The following HTRA3 variants were observed in gnomAD, a reference collection of about 807,000 sequenced individuals.
HTRA3 encodes the protein HtrA serine peptidase 3, also known as serine protease HTRA3.
A neutral mutation model predicts 43.2 loss-of-function variants in HTRA3; 41 were observed. The observed-to-expected ratio is 0.95, with a 90% CI of 0.74 to 1.23. HTRA3 has a LOEUF of 1.23. Among genes scored for constraint, HTRA3 ranks in the 50% most tolerant of loss-of-function variants. The pLI, the probability that HTRA3 is intolerant of heterozygous loss-of-function variation, is 0.00. For synonymous variants in HTRA3, 295 were observed against 287.9 expected, an observed-to-expected ratio of 1.02 and a Z score of -0.25; for missense variants, 628 against 647.1, an observed-to-expected ratio of 0.97 and a Z score of 0.32.
chr4:8,271,946 C>T (rs369106434), intron 1 of HTRA3, among the ~76,000 whole-genome samples: 11 of 152,280 alleles, frequency 7.2e-5, no homozygotes, highest in South Asian at 2.1e-4. Flanking sequence ...CTGAGGGGTG[C>T]GAGTGTGGGG....
chr4:8,305,079 A>C (rs1293414375), intron 8 of HTRA3, among the ~76,000 whole-genome samples: 1 of 152,028 alleles, frequency 6.6e-6, no homozygotes, highest in African/African-American at 2.4e-5. Context: ...TGGCTGACCC[A>C]CTCCCAAGAA....
Position 8,295,609 on chromosome 4 carries a change from T to C in HTRA3, c.1051+1408T>C. ...CTAGTGAGCTTCTCCCTCCTGCCAT[T>C]GTGTCTCCTGTGCCCACCTCCTGGC... On this transcript the variant is annotated intron_variant, in intron 6 of 8. Transcript: ENST00000307358. The surrounding 1 kb of genome is among the most constrained non-coding windows in gnomAD (Gnocchi z 6.9). The C allele has an allele frequency of 1.0e-6, 1 of 1,000,132 alleles. No individual in the cohort carries two copies. Among genetic ancestry groups the C allele is most frequent in the South Asian group, 2.9e-5 (1 of 34,828 alleles). The allele number at this position is 1,000,132 out of a possible 1,614,324, so 62.0% of individuals were successfully genotyped here.
intron 2 of HTRA3, among the ~76,000 whole-genome samples, chr4:8,285,779 G>A (rs1266675064): frequency 1.3e-5 from 2 of 152,252 alleles, no homozygotes; most frequent in Non-Finnish European, 2.9e-5. Context: ...AGAGGGCAGG[G>A]CCCAGGCTGG....
chr4:8,297,221 G>C lies in HTRA3; in HGVS notation c.1051+3020G>C, dbSNP rs939436930. ...GGCCAGGAGCAGGACGGGCAGGGAG[G>C]CTGGTGGCCCCATACTTGGTGTGTG... On this transcript the variant is annotated intron_variant, in intron 6 of 8. Transcript: ENST00000307358. The surrounding 1 kb of genome is among the most constrained non-coding windows in gnomAD (Gnocchi z 5.8). Among the ~76,000 whole-genome samples the C allele has an allele frequency of 4.6e-5, 7 of 151,990 alleles. No homozygotes were observed. The highest frequency in any genetic ancestry group is 8.8e-5 in the Non-Finnish European group (6 of 68,010).
intron 1 of HTRA3, among the ~76,000 whole-genome samples, chr4:8,272,818 T>G (rs1226663344): frequency 1.3e-5 from 2 of 151,916 alleles, no homozygotes; most frequent in Non-Finnish European, 2.9e-5. Flanking sequence ...GGTGGGGAAA[T>G]GGGGCCTGGT....
intron 1 of HTRA3, among the ~76,000 whole-genome samples, chr4:8,278,406 A>AT (rs1374410474): frequency 1.4e-5 from 2 of 144,626 alleles, no homozygotes; most frequent in East Asian, 2.0e-4. Context: ...AAAAAAAAAA[A>AT]GGCTAACGGC....
In HTRA3 at chr4:8,270,150, C is replaced by T. The variant is rs1052955394; in HGVS notation, c.182C>T (p.Pro61Leu). 6.5e-6 allele frequency: 10 copies of T among 1,543,022 alleles called. No individual in the cohort carries two copies. In the African/African-American group the frequency reaches 1.1e-4, roughly 18 times the overall value. The change falls in exon 1 of 9, where the codon CCC becomes CTC. Residue 61 changes from proline (P) to leucine (L), a missense_variant. Coordinates refer to ENST00000307358, the MANE Select transcript of HTRA3 (RefSeq NM_053044.5). Reference sequence around the variant, plus strand: ...GTGTGCGCCGCCAGCGAGGGCGAGCCCTGTGGCGGCCCTCTGGACTCGCCT... The same window carrying T: ...GTGTGCGCCGCCAGCGAGGGCGAGCTCTGTGGCGGCCCTCTGGACTCGCCT... Reference protein sequence around the residue: ...CLVCAASEGEPCGGPLDSPCG... With the variant: ...CLVCAASEGELCGGPLDSPCG...
At chr4:8,298,060 C>T (rs1713516696) in intron 6 of HTRA3, among the ~76,000 whole-genome samples, 1 of 152,232 alleles carries the variant, frequency 6.6e-6, no homozygotes, top group Non-Finnish European at 1.5e-5. Flanking sequence ...CCTCCACCTC[C>T]ACCTCCGGGT....
rs1180800496 is a variant in HTRA3, at chr4:8,295,868, G to T, written c.1051+1667G>T. On this transcript the variant is annotated intron_variant, in intron 6 of 8. Transcript: ENST00000307358. The surrounding 1 kb of genome is among the most constrained non-coding windows in gnomAD (Gnocchi z 6.9). Reference sequence around the variant, plus strand: ...GCCATTGTTCTTCTGTGTCCATTATGGGAAGACAATCTGGAGCCAGGCAGA... The same window carrying T: ...GCCATTGTTCTTCTGTGTCCATTATTGGAAGACAATCTGGAGCCAGGCAGA... 8.1e-7 allele frequency: 1 copy of T among 1,235,186 alleles called. No individual in the cohort carries two copies. Among genetic ancestry groups the T allele is most frequent in the East Asian group, 3.2e-5 (1 of 31,690 alleles). 76.5% of individuals were successfully genotyped at this position (1,235,186 alleles called of 1,614,324 possible).
chr4:8,273,311 C>T (rs1209868731), intron 1 of HTRA3, among the ~76,000 whole-genome samples: 1 of 152,196 alleles, frequency 6.6e-6, no homozygotes, highest in Non-Finnish European at 1.5e-5. Flanking sequence ...TTCTGCCCTC[C>T]CGAGGTCCCA....
chr4:8,294,623 T>A (rs77437893), intron 6 of HTRA3, among the ~76,000 whole-genome samples: 1 of 27,646 alleles, frequency 3.6e-5, no homozygotes, highest in Non-Finnish European at 6.7e-5. Context: ...CATCCATCCA[T>A]CCATCCATCC....
In HTRA3 at chr4:8,296,039, C is replaced by T; in HGVS notation, c.1051+1838C>T. ...AGACCTGTCCTAGCATGCTCCTTTC[C>T]CTAATGACCGAGTCTTTCCTGTTGA... On this transcript the variant is annotated intron_variant, in intron 6 of 8. Transcript: ENST00000307358. This position sits in a 1 kb window ranked among gnomAD's most constrained non-coding sequence, Gnocchi z 5.3. 2 of 1,140,788 alleles carry T rather than the reference C, an allele frequency of 1.8e-6. No homozygotes were observed. Among genetic ancestry groups the T allele is most frequent in the Non-Finnish European group, 2.2e-6 (2 of 930,080 alleles). The allele number at this position is 1,140,788 out of a possible 1,614,324, so 70.7% of individuals were successfully genotyped here.
Position 8,297,886 on chromosome 4 carries a change from C to A in HTRA3, c.1051+3685C>A, listed in dbSNP as rs1333045742. On this transcript the variant is annotated intron_variant, in intron 6 of 8. Transcript: ENST00000307358. The surrounding 1 kb of genome is among the most constrained non-coding windows in gnomAD (Gnocchi z 5.8). ...TTCCCACTAAGAGCACCTGTCAAGA[C>A]CCCCCTGCTCCTGCAGCCCCACCTG... 2.0e-5 allele frequency among the ~76,000 whole-genome samples: 3 copies of A among 152,288 alleles called. No homozygotes were observed. The highest frequency in any genetic ancestry group is 1.9e-4 in the East Asian group (1 of 5,184).
chr4:8,283,354 C>T (rs753351606), intron 2 of HTRA3, among the ~76,000 whole-genome samples: 4 of 152,212 alleles, frequency 2.6e-5, no homozygotes, highest in Non-Finnish European at 4.4e-5. Context: ...TCCCCTTCTT[C>T]CCACAGGGCC....
At chr4:8,288,334 C>A (rs767683349) in intron 3 of HTRA3, among the ~76,000 whole-genome samples, 1 of 152,118 alleles carries the variant, frequency 6.6e-6, no homozygotes, top group Non-Finnish European at 1.5e-5. Flanking sequence ...AGTGCAATGG[C>A]GTCATCTCGG....
At chr4:8,272,828 T>C (rs1284598039) in intron 1 of HTRA3, among the ~76,000 whole-genome samples, 2 of 151,964 alleles carry the variant, frequency 1.3e-5, no homozygotes, top group African/African-American at 4.8e-5. Context: ...TGGGGCCTGG[T>C]GGGGAGGGGA....
intron 2 of HTRA3, among the ~76,000 whole-genome samples, chr4:8,285,179 C>G (rs1423223296): frequency 6.6e-6 from 1 of 152,134 alleles, no homozygotes; most frequent in Non-Finnish European, 1.5e-5. Context: ...CTGATGTCAC[C>G]GTAACTTCAG....
At chr4:8,298,852 A>G (rs1458220168) in intron 6 of HTRA3, among the ~76,000 whole-genome samples, 1 of 152,242 alleles carries the variant, frequency 6.6e-6, no homozygotes, top group African/African-American at 2.4e-5. Context: ...GCCAATATTC[A>G]GTACTGCACT....
rs1712953153 is a variant in HTRA3, at chr4:8,286,057, A to G, written c.486-504A>G. On this transcript the variant is annotated intron_variant, in intron 2 of 8. Coordinates refer to ENST00000307358, the MANE Select transcript of HTRA3 (RefSeq NM_053044.5). This position sits in a 1 kb window ranked among gnomAD's most constrained non-coding sequence, Gnocchi z 4.9. ...GTGTGTGCAATGGGGCTTTTCCCCT[A>G]GGGCCAATTATTGTCCTGTTTGTTG... 6.6e-6 allele frequency among the ~76,000 whole-genome samples: 1 copy of G among 152,132 alleles called. No individual in the cohort carries two copies.
Sources: allele counts gnomAD v4.1 joint callset (sites outside exome capture counted in the v4.1 genomes callset), GRCh38; gene constraint gnomAD v4.1.1; non-coding constraint Gnocchi (gnomAD v3.1); transcripts MANE v1.5; gene names NCBI Gene and HGNC (gene_info 2026-07-23, HGNC 2026-07-21).